Variants in PDE6A observed in about 807,000 individuals in gnomAD.
The protein encoded by PDE6A is rod cGMP-specific 3',5'-cyclic phosphodiesterase subunit alpha.
A neutral mutation model predicts 106.3 loss-of-function variants in PDE6A; 84 were observed. That is an observed-to-expected ratio of 0.79 (90% CI 0.66 to 0.95). The LOEUF (loss-of-function observed/expected upper bound fraction) is 0.95, where lower values mean the gene tolerates loss of function less well. Among genes scored for constraint, PDE6A ranks in the 40% least tolerant of loss-of-function variants. The probability of loss-of-function intolerance (pLI) is 0.00; values close to 1 mark genes in which losing one functional copy is unlikely to be tolerated. For synonymous variants in PDE6A, 394 were observed against 386.6 expected (o/e 1.02, Z -0.23); for missense variants, 1,052 against 1,084.9 (o/e 0.97, Z 0.43).
At position 149,863,760 on chromosome 5, in the gene PDE6A, A is replaced by T. The variant is rs972991129; in HGVS notation, c.2359-494T>A. ...CACCTCAGCCTCCCAAGTAGCTGGA[A>T]CTACAGGCTCATGCCACCACACCCA... On this transcript the variant is annotated intron_variant, in intron 20 of 21. Transcript: ENST00000255266. The surrounding 1 kb of genome is among the most constrained non-coding windows in gnomAD (Gnocchi z 4.7). Among the ~76,000 whole-genome samples, 3 of 152,142 alleles carry T rather than the reference A, an allele frequency of 2.0e-5. No individual in the cohort carries two copies. The highest frequency in any genetic ancestry group is 4.4e-5 in the Non-Finnish European group (3 of 68,026).
chr5:149,887,711 T>A (rs571100647), intron 13 of PDE6A, among the ~76,000 whole-genome samples: 3 of 151,616 alleles, frequency 2.0e-5, no homozygotes, highest in African/African-American at 7.3e-5. Flanking sequence ...AACATTCCTA[T>A]CATATCTTGC....
At chr5:149,906,619 T>C (rs919747907) in intron 7 of PDE6A, among the ~76,000 whole-genome samples, 1 of 151,182 alleles carries the variant, frequency 6.6e-6, no homozygotes, top group African/African-American at 2.4e-5. Context: ...TTTGCTGTCT[T>C]CCTGTCTCAA....
At chr5:149,932,614 G>C (rs1754074139) in intron 3 of PDE6A, 1 of 1,611,996 alleles carries the variant, frequency 6.2e-7, no homozygotes, top group African/African-American at 1.3e-5. Flanking sequence ...CTCATTCGCT[G>C]ACTAATGCCT....
intron 5 of PDE6A, among the ~76,000 whole-genome samples, chr5:149,920,942 A>AAAAGAAGAAAGAAAGAAAGAAAGAAAG (rs1554091211): frequency 9.2e-6 from 1 of 108,282 alleles, no homozygotes; most frequent in Non-Finnish European, 1.8e-5. Context: ...GAAAGAGAGA[A>AAAAGAAGAAAGAAAGAAAGAAAGAAAG]AAAGAAAGAA....
intron 17 of PDE6A, among the ~76,000 whole-genome samples, chr5:149,869,522 G>C (rs1029459347): frequency 6.6e-6 from 1 of 152,194 alleles, no homozygotes; most frequent in Non-Finnish European, 1.5e-5. Context: ...AGGGAGCAAG[G>C]GGGGTGGATT....
At chr5:149,917,104 G>A (rs966276294) in intron 5 of PDE6A, among the ~76,000 whole-genome samples, 1 of 150,010 alleles carries the variant, frequency 6.7e-6, no homozygotes, top group Admixed American at 6.7e-5. Flanking sequence ...TGGAGTACAA[G>A]TGCAGTGGCA....
rs995940716 is a variant in PDE6A at position 149,931,973 on chromosome 5, C to T, written c.718-805G>A. ...GTTTGCAAATCTTTTATATTTCCAG[C>T]TGTTGAGATAATATTTTTGAGAGCT... is the stretch of plus-strand genomic sequence containing the variant. On this transcript the variant is annotated intron_variant, in intron 3 of 21. Transcript: ENST00000255266. The T allele has an allele frequency of 1.7e-5, 22 of 1,266,912 alleles. No homozygotes were observed. The African/African-American group carries it at 3.1e-4, about 18-fold the overall frequency. 78.5% of individuals were successfully genotyped at this position (1,266,912 alleles called of 1,614,324 possible). A position where few individuals can be genotyped will look rare whatever the true frequency, so the allele number is the denominator to read the frequency against.
chr5:149,929,331 A>G (rs1753956652), intron 4 of PDE6A, among the ~76,000 whole-genome samples: 2 of 152,090 alleles, frequency 1.3e-5, no homozygotes, highest in Non-Finnish European at 2.9e-5. Flanking sequence ...GAATCAAAAG[A>G]AGTCAAACAC....
In PDE6A at chr5:149,859,864, G is replaced by T. The variant is rs1447657067; in HGVS notation, c.*1031C>A. The stretch of plus-strand genomic sequence containing the variant: ...AAAACATACTTATTTCTTTAAAGAT[G>T]AGATAGTAGAGGTGTGAAATGATAT... On this transcript the variant is annotated 3_prime_UTR_variant, in exon 22 of 22. Coordinates refer to ENST00000255266, the MANE Select transcript of PDE6A (RefSeq NM_000440.3). The T allele has an allele frequency of 1.3e-5, 2 of 152,172 alleles. No homozygotes were observed. Among genetic ancestry groups the T allele is most frequent in the African/African-American group, 4.8e-5 (2 of 41,430 alleles). The allele number at this position is 152,172 out of a possible 1,614,324, so 9.4% of individuals were successfully genotyped here.
intron 17 of PDE6A, among the ~76,000 whole-genome samples, chr5:149,873,623 C>T (rs564223663): frequency 3.9e-5 from 6 of 152,122 alleles, no homozygotes; most frequent in African/African-American, 7.2e-5. Flanking sequence ...TGAGCCACCA[C>T]GCCTGGCCAT....
At chr5:149,903,614 A>G in intron 8 of PDE6A, 34 bp downstream of exon 8, 2 of 1,572,688 alleles carry the variant, frequency 1.3e-6, no homozygotes, top group South Asian at 1.1e-5. Flanking sequence ...AAAAAAAATC[A>G]TATGACTAAG....
In PDE6A at chr5:149,944,789, A is replaced by C; in HGVS notation, c.-116T>G. On this transcript the variant is annotated 5_prime_UTR_variant, in exon 1 of 22. An upstream start codon of the reference 5' UTR is lost. Coordinates refer to ENST00000255266, the MANE Select transcript of PDE6A (RefSeq NM_000440.3). The stretch of plus-strand genomic sequence containing the variant: ...CTTCTCTGGGTCTTGTCTGCAAAAC[A>C]TACTGAGATGGCCTGCACAGGAGAG... The C allele has an allele frequency of 2.6e-6, 2 of 779,700 alleles. No homozygotes were observed. Among genetic ancestry groups the C allele is most frequent in the Non-Finnish European group, 4.4e-6 (2 of 456,450 alleles). The allele number at this position is 779,700 out of a possible 1,614,324, so 48.3% of individuals were successfully genotyped here.
At chr5:149,922,563 C>T (rs913959285) in intron 4 of PDE6A, among the ~76,000 whole-genome samples, 2 of 152,162 alleles carry the variant, frequency 1.3e-5, no homozygotes, top group Middle Eastern at 3.2e-3. Context: ...CCATCTGCCT[C>T]AGCCTCCCAA....
At chr5:149,909,347 C>G (rs902683150) in intron 6 of PDE6A, among the ~76,000 whole-genome samples, 1 of 152,202 alleles carries the variant, frequency 6.6e-6, no homozygotes. Context: ...TTTATAGAGA[C>G]AGGGCAACCA....
chr5:149,930,512 C>T (rs1754000491), intron 4 of PDE6A, among the ~76,000 whole-genome samples: 1 of 152,200 alleles, frequency 6.6e-6, no homozygotes, highest in South Asian at 2.1e-4. Flanking sequence ...TAAAAAACAT[C>T]GCTGGGAGCG....
chr5:149,886,691 T>C (rs1399065599), intron 13 of PDE6A, among the ~76,000 whole-genome samples: 1 of 152,206 alleles, frequency 6.6e-6, no homozygotes, highest in Non-Finnish European at 1.5e-5. Flanking sequence ...GTCGAGCATA[T>C]TGGATCAGAT....
At chr5:149,906,780 AT>A (rs904686759) in intron 7 of PDE6A, among the ~76,000 whole-genome samples, 4 of 150,202 alleles carry the variant, frequency 2.7e-5, no homozygotes, top group African/African-American at 4.9e-5. Flanking sequence ...ATTTATTATT[AT>A]TTTTTTTTGA....
chr5:149,900,751 G>A (rs1752947701), intron 8 of PDE6A, among the ~76,000 whole-genome samples: 1 of 152,072 alleles, frequency 6.6e-6, no homozygotes, highest in Admixed American at 6.6e-5. Flanking sequence ...ACTGCCTGAA[G>A]AGCACAGGTT....
At chr5:149,941,916 G>T (rs565703412) in intron 1 of PDE6A, among the ~76,000 whole-genome samples, 20 of 151,534 alleles carry the variant, frequency 1.3e-4, no homozygotes, top group African/African-American at 4.4e-4. Context: ...TCACCCAGCC[G>T]ATTGGATGGT....
Sources: gnomAD v4.1 joint callset for allele counts (sites outside exome capture counted in the v4.1 genomes callset) on GRCh38, gnomAD v4.1.1 for gene constraint, Gnocchi (gnomAD v3.1) non-coding constraint, MANE v1.5 for transcripts, NCBI Gene and HGNC (gene_info 2026-07-23, HGNC 2026-07-21) for gene names.